OTOGL: variants seen among roughly 807,000 people sequenced by gnomAD.
OTOGL encodes the protein otogelin-like protein.
Under a neutral mutation model 318.5 loss-of-function variants are expected in OTOGL, and 285 were observed. The observed-to-expected ratio is 0.89, with a 90% CI of 0.81 to 0.99. The LOEUF is 0.99. OTOGL is among the 50% of genes least tolerant of loss of function. The pLI, the probability that OTOGL is intolerant of heterozygous loss-of-function variation, is 0.00. For synonymous variants in OTOGL, 987 were observed against 936.5 expected, an observed-to-expected ratio of 1.05 and a Z score of -0.99; for missense variants, 2,899 against 2,845.6, an observed-to-expected ratio of 1.02 and a Z score of -0.43.
intron 11 of OTOGL, among the ~76,000 whole-genome samples, chr12:80,249,350 A>C (rs928979056): frequency 6.6e-6 from 1 of 151,426 alleles, no homozygotes; most frequent in African/African-American, 2.5e-5. Flanking sequence ...TTCGGTGTGG[A>C]TGTCCTTTCT....
Position 80,113,489 on chromosome 12 carries a change from C to A in OTOGL, c.-20+13884C>A, listed in dbSNP as rs548101366. On this transcript the variant is annotated intron_variant, in intron 1 of 58. Coordinates refer to ENST00000547103, the MANE Select transcript of OTOGL (RefSeq NM_001378609.3). ...TTGGTTTCAAGTAACTTATTTATTTCTGCCTTAATTTCATTATTTACCCAG... is the reference window on the plus strand; with the variant it reads ...TTGGTTTCAAGTAACTTATTTATTTATGCCTTAATTTCATTATTTACCCAG... Among the ~76,000 whole-genome samples the A allele has an allele frequency of 1.5e-4, 23 of 152,236 alleles. No individual in the cohort carries two copies. In the South Asian group the frequency reaches 4.8e-3, roughly 32 times the overall value.
At chr12:80,131,720 T>C (rs528722887) in intron 1 of OTOGL, 8 of 152,258 alleles carry the variant, frequency 5.3e-5, no homozygotes, top group Non-Finnish European at 1.0e-4. Flanking sequence ...ATGAAACTCA[T>C]TGATTTAGAT....
At chr12:80,303,806 A>T (rs1477337487) in intron 28 of OTOGL, among the ~76,000 whole-genome samples, 1 of 152,108 alleles carries the variant, frequency 6.6e-6, no homozygotes, top group Non-Finnish European at 1.5e-5. Context: ...CCATGATCCA[A>T]TCACCTCTCA....
chr12:80,225,038 A>G lies in OTOGL; in HGVS notation c.489+2793A>G, dbSNP rs941496746. On this transcript the variant is annotated intron_variant, in intron 7 of 58. Transcript: ENST00000547103. ...ATATATGTATATACACCTACTATGT[A>G]ACCACAAAAATCAAAAATAAAAAAC... 8.5e-5 allele frequency among the ~76,000 whole-genome samples: 13 copies of G among 152,202 alleles called. No individual in the cohort carries two copies. The East Asian group carries it at 2.5e-3, about 29-fold the overall frequency.
At chr12:80,147,865 C>T (rs1872508776) in intron 1 of OTOGL, among the ~76,000 whole-genome samples, 1 of 152,102 alleles carries the variant, frequency 6.6e-6, no homozygotes, top group Non-Finnish European at 1.5e-5. Context: ...TTATCAGAGA[C>T]TAGGATTGCA....
chr12:80,226,404 A>G (rs1489452451), intron 7 of OTOGL, among the ~76,000 whole-genome samples: 1 of 151,880 alleles, frequency 6.6e-6, no homozygotes, highest in Non-Finnish European at 1.5e-5. Flanking sequence ...TCTTTGCTGT[A>G]TTCTCTTTAC....
intron 8 of OTOGL, among the ~76,000 whole-genome samples, chr12:80,230,738 T>A (rs953963830): frequency 8.5e-5 from 13 of 152,190 alleles, no homozygotes; most frequent in Non-Finnish European, 1.8e-4. Flanking sequence ...ATATTTGCCA[T>A]AATAAAATCA....
chr12:80,337,686 A>G (rs1222617705), intron 42 of OTOGL, among the ~76,000 whole-genome samples: 1 of 152,020 alleles, frequency 6.6e-6, no homozygotes, highest in African/African-American at 2.4e-5. Flanking sequence ...TATGAAAAAA[A>G]AATGTGTAAA....
Position 80,229,338 on chromosome 12 carries a change from A to C in OTOGL, c.571A>C (p.Ile191Leu), listed in dbSNP as rs1879159818. ...CTTGTTCTTTTCAAACCAAGAGGAA[A>C]TTCGAATTTATGGTCATGAAATAAA... The part of the protein sequence containing the change: ...ISLFFSNQEE[I>L]RIYGHEIKKN... The change falls in exon 8 of 59, where the codon ATT (isoleucine) becomes CTT (leucine). Residue 191 changes from isoleucine (I) to leucine (L), a missense_variant. Ile to Leu is a conservative substitution (Grantham distance 5). Around this residue, in one of 3 missense-constraint regions of OTOGL, gnomAD observed 2,607 missense variants for 2,524.9 expected, o/e 1.03. Transcript: ENST00000547103. The C allele has an allele frequency of 1.3e-6, 2 of 1,596,208 alleles. No individual in the cohort carries two copies. The highest frequency in any genetic ancestry group is 1.7e-6 in the Non-Finnish European group (2 of 1,176,982).
chr12:80,147,374 A>T (rs1314501839), intron 1 of OTOGL, among the ~76,000 whole-genome samples: 3 of 145,728 alleles, frequency 2.1e-5, no homozygotes, highest in East Asian at 2.0e-4. Context: ...TTTGAGTGAG[A>T]CTCTTAATCC....
chr12:80,275,439 T>G (rs1210654554), intron 24 of OTOGL, among the ~76,000 whole-genome samples: 3 of 151,394 alleles, frequency 2.0e-5, no homozygotes, highest in African/African-American at 7.3e-5. Context: ...GGACGAGGAG[T>G]TGCTTCTTAT....
intron 9 of OTOGL, among the ~76,000 whole-genome samples, chr12:80,234,743 T>TGA (rs1287626094): frequency 3.9e-5 from 6 of 152,198 alleles, no homozygotes; most frequent in Admixed American, 3.9e-4. Context: ...TTTATTAAAA[T>TGA]GCAAATGTTT....
chr12:80,187,792 G>A (rs1248531889), intron 1 of OTOGL, among the ~76,000 whole-genome samples: 5 of 152,224 alleles, frequency 3.3e-5, no homozygotes, highest in Non-Finnish European at 7.3e-5. Context: ...AGAAAGGTTT[G>A]TGGGCTGGTG....
chr12:80,376,765 T>A (rs1891197753), intron 57 of OTOGL, among the ~76,000 whole-genome samples: 1 of 152,172 alleles, frequency 6.6e-6, no homozygotes, highest in Non-Finnish European at 1.5e-5. Context: ...ACTTATACAC[T>A]TTATGGTTTA....
At chr12:80,220,556 T>G (rs2137349755) in intron 6 of OTOGL, among the ~76,000 whole-genome samples, 1 of 151,724 alleles carries the variant, frequency 6.6e-6, no homozygotes, top group Admixed American at 6.6e-5. Context: ...GACCTTTAAT[T>G]AACTGGACAC....
At chr12:80,316,566 A>G (rs1886986978) in intron 32 of OTOGL, among the ~76,000 whole-genome samples, 3 of 152,148 alleles carry the variant, frequency 2.0e-5, no homozygotes, top group African/African-American at 7.2e-5. Context: ...GTAATACCGT[A>G]TTGATAATAT....
intron 26 of OTOGL, among the ~76,000 whole-genome samples, chr12:80,294,403 T>A (rs1885246790): frequency 6.6e-6 from 1 of 152,160 alleles, no homozygotes; most frequent in Admixed American, 6.6e-5. Context: ...GCTTTTCACA[T>A]CCCTTAGTCT....
rs200797401 is a variant in OTOGL, at chr12:80,266,571, C to T, written c.2345C>T (p.Pro782Leu). Residue 782 changes from proline (P) to leucine (L), a missense_variant, in exon 21 of 59, where the codon CCG (proline) becomes CTG (leucine). Pro to Leu is a moderately conservative substitution (Grantham distance 98). Around this residue, in one of 3 missense-constraint regions of OTOGL, gnomAD observed 2,607 missense variants for 2,524.9 expected, o/e 1.03. Transcript: ENST00000547103. The stretch of plus-strand genomic sequence containing the variant: ...GACTGTGCTGAAGGCTGTAATTGTC[C>T]GGAAGGCAAATTCTATGAAGACACT... Reference protein sequence around the residue: ...SDDCAEGCNCPEGKFYEDTLN... With the variant: ...SDDCAEGCNCLEGKFYEDTLN... The T allele has an allele frequency of 4.0e-4, 641 of 1,613,408 alleles. 4 individuals carry two copies. Among genetic ancestry groups the T allele is most frequent in the South Asian group, 3.7e-3 (338 of 91,020 alleles).
At position 80,257,842 on chromosome 12, in the gene OTOGL, A is replaced by G; in HGVS notation, c.1729A>G (p.Thr577Ala). ...FNLNGIVEIQ[T>A]LSSLFILLKT... ...TCCTGCAGGTATTGTTGAAATTCAA[A>G]CTCTGTCATCCTTATTTATACTTCT... The change falls in exon 18 of 59, where the codon ACT becomes GCT. Residue 577 changes from threonine to alanine, a missense_variant. By Grantham distance (58) the Thr-to-Ala change is moderately conservative. Transcript: ENST00000547103. The G allele has an allele frequency of 6.3e-7, 1 of 1,577,872 alleles. No homozygotes were observed. Among genetic ancestry groups the G allele is most frequent in the Non-Finnish European group, 8.5e-7 (1 of 1,170,636 alleles).
Sources: allele counts gnomAD v4.1 joint callset (sites outside exome capture counted in the v4.1 genomes callset), GRCh38; gene constraint gnomAD v4.1.1; regional missense constraint gnomAD v4.1.1; transcripts MANE v1.5; gene names NCBI Gene and HGNC (gene_info 2026-07-23, HGNC 2026-07-21).